Variants in RBFOX3 observed in about 807,000 individuals in gnomAD.
The protein encoded by RBFOX3 is RNA binding fox-1 homolog 3, also known as RNA binding protein fox-1 homolog 3.
Under a neutral mutation model 48.7 loss-of-function variants are expected in RBFOX3, and 17 were observed. The ratio of observed to expected loss-of-function variants is 0.35; its 90% CI spans 0.24 to 0.52. RBFOX3 has a LOEUF of 0.52. Among genes scored for constraint, RBFOX3 ranks in the 20% least tolerant of loss-of-function variants. The pLI is 0.94. For missense variants in RBFOX3, 382 were observed against 497.5 expected, an observed-to-expected ratio of 0.77 and a Z score of 2.21; for synonymous variants, 212 against 209.5, an observed-to-expected ratio of 1.01 and a Z score of -0.10.
intron 2 of RBFOX3, among the ~76,000 whole-genome samples, chr17:79,410,951 C>G (rs902217333): frequency 6.6e-6 from 1 of 152,200 alleles, no homozygotes; most frequent in African/African-American, 2.4e-5. Flanking sequence ...CCCTCCCACT[C>G]TCTGCACCAC....
At chr17:79,337,256 A>C (rs1598308040) in intron 2 of RBFOX3, among the ~76,000 whole-genome samples, 1 of 137,982 alleles carries the variant, frequency 7.2e-6, no homozygotes, top group East Asian at 2.0e-4. Flanking sequence ...CTTACCTGAC[A>C]AAAAAAAAAT....
At chr17:79,148,160 G>A (rs1164923230) in intron 4 of RBFOX3, among the ~76,000 whole-genome samples, 1 of 152,200 alleles carries the variant, frequency 6.6e-6, no homozygotes, top group East Asian at 1.9e-4. Context: ...TAGGTTTTGG[G>A]AGCGGTCATG....
At chr17:79,261,466 G>C (rs919944542) in intron 3 of RBFOX3, among the ~76,000 whole-genome samples, 1 of 152,236 alleles carries the variant, frequency 6.6e-6, no homozygotes, top group South Asian at 2.1e-4. Context: ...AGGAGCCGGA[G>C]GCAGAGGATG....
At chr17:79,339,550 C>G (rs989180577) in intron 2 of RBFOX3, among the ~76,000 whole-genome samples, 2 of 152,204 alleles carry the variant, frequency 1.3e-5, no homozygotes, top group Admixed American at 1.3e-4. Context: ...TTCCTTAAAA[C>G]ACAGACTGCT....
At chr17:79,385,292 T>A (rs1442334939) in intron 2 of RBFOX3, among the ~76,000 whole-genome samples, 2 of 152,090 alleles carry the variant, frequency 1.3e-5, no homozygotes, top group Non-Finnish European at 2.9e-5. Context: ...GCGGGGAGGC[T>A]GCAAGGGAAA....
At chr17:79,143,874 G>A (rs1467793119) in intron 4 of RBFOX3, among the ~76,000 whole-genome samples, 1 of 152,250 alleles carries the variant, frequency 6.6e-6, no homozygotes, top group African/African-American at 2.4e-5. Flanking sequence ...CTCAAGCCAG[G>A]ACACCCCAGT....
rs112425237 is a variant in RBFOX3, at chr17:79,442,411, C to CAG, written c.-175+40041_-175+40042dup. On this transcript the variant is annotated intron_variant, in intron 2 of 14. Coordinates refer to ENST00000693108, the MANE Select transcript of RBFOX3 (RefSeq NM_001350451.2). ...AGAGAGAGAGAGAGAGAAAGAGAGA[C>CAG]AGAGAGAGAGAGAGAGACACCAAGC... Among the ~76,000 whole-genome samples, 69 of 78,912 alleles carry CAG rather than the reference C, an allele frequency of 8.7e-4. 1 individual carries two copies. Among genetic ancestry groups the CAG allele is most frequent in the African/African-American group, 3.2e-3 (60 of 18,876 alleles). 51.8% of individuals were successfully genotyped at this position (78,912 alleles called of 152,430 possible).
chr17:79,450,948 A>AT (rs2073371141), intron 2 of RBFOX3, among the ~76,000 whole-genome samples: 1 of 152,150 alleles, frequency 6.6e-6, no homozygotes, highest in Non-Finnish European at 1.5e-5. Context: ...ACAAAATGAG[A>AT]TTTTCTAAAT....
At chr17:79,657,544 T>A in the RBFOX3 span, among the ~76,000 whole-genome samples, 1 of 152,152 alleles carries the variant, frequency 6.6e-6, no homozygotes, top group African/African-American at 2.4e-5. Context: ...CCAAGCATGG[T>A]GGCAGGCAAC....
chr17:79,138,639 C>T (rs1228836217), intron 4 of RBFOX3, among the ~76,000 whole-genome samples: 1 of 148,076 alleles, frequency 6.8e-6, no homozygotes, highest in Admixed American at 6.7e-5. Context: ...ACCTCCTCAC[C>T]CACACACGCA....
intron 2 of RBFOX3, among the ~76,000 whole-genome samples, chr17:79,330,530 G>T (rs1409492186): frequency 1.3e-5 from 2 of 151,722 alleles, no homozygotes; most frequent in African/African-American, 4.8e-5. Context: ...GGATATTCAG[G>T]TTCCACACGC....
intron 4 of RBFOX3, among the ~76,000 whole-genome samples, chr17:79,174,106 G>A (rs972617110): frequency 5.9e-5 from 9 of 151,986 alleles, no homozygotes; most frequent in Admixed American, 2.0e-4. Context: ...GGGAGAACAG[G>A]GCCTCTCCCC....
intron 3 of RBFOX3, among the ~76,000 whole-genome samples, chr17:79,246,278 C>A (rs532867252): frequency 9.2e-5 from 14 of 152,354 alleles, no homozygotes; most frequent in African/African-American, 3.4e-4. Flanking sequence ...GCCACCTTCC[C>A]TCCCTGCCTT....
chr17:79,559,422 G>A (rs990078366), intron 1 of RBFOX3, among the ~76,000 whole-genome samples: 5,127 of 151,804 alleles, frequency 0.034, 157 homozygotes, highest in East Asian at 0.18. Flanking sequence ...TAAGTGGTGG[G>A]TGGTGGATGG....
At position 79,390,537 on chromosome 17, in the gene RBFOX3, G is replaced by A. The variant is rs1393362096; in HGVS notation, c.-174-82713C>T. Among the ~76,000 whole-genome samples, 1 of 151,406 alleles carries A rather than the reference G, an allele frequency of 6.6e-6. No individual in the cohort carries two copies. Among genetic ancestry groups the A allele is most frequent in the Non-Finnish European group, 1.5e-5 (1 of 67,966 alleles). ...TTGTCGCCCAGGCTGGAGTGCAGTG[G>A]CACAATCTCGGCTCACTACAACGTC... On this transcript the variant is annotated intron_variant, in intron 2 of 14. Transcript: ENST00000693108. The surrounding 1 kb of genome is among the most constrained non-coding windows in gnomAD (Gnocchi z 4.2).
chr17:79,202,632 G>A (rs1185132643), intron 4 of RBFOX3, among the ~76,000 whole-genome samples: 2 of 152,248 alleles, frequency 1.3e-5, no homozygotes, highest in African/African-American at 2.4e-5. Flanking sequence ...AGCCCACACA[G>A]CAGACACCAC....
At chr17:79,399,797 G>A (rs2062551071) in intron 2 of RBFOX3, among the ~76,000 whole-genome samples, 2 of 152,192 alleles carry the variant, frequency 1.3e-5, no homozygotes, top group South Asian at 4.1e-4. Flanking sequence ...CAGACCCTCG[G>A]GCGCTCCCGT....
At chr17:79,487,951 C>G (rs1403285149) in intron 1 of RBFOX3, among the ~76,000 whole-genome samples, 2 of 143,622 alleles carry the variant, frequency 1.4e-5, no homozygotes, top group Admixed American at 7.1e-5. Flanking sequence ...ACCTGAACAC[C>G]AACAAATGGG....
chr17:79,558,166 T>TG (rs2091918475), intron 1 of RBFOX3, among the ~76,000 whole-genome samples: 2 of 151,984 alleles, frequency 1.3e-5, no homozygotes, highest in African/African-American at 4.8e-5. Context: ...GTTCACTGTT[T>TG]GGGGGCAGGA....
Sources: gnomAD v4.1 joint callset for allele counts (sites outside exome capture counted in the v4.1 genomes callset) on GRCh38, gnomAD v4.1.1 for gene constraint, Gnocchi (gnomAD v3.1) non-coding constraint, MANE v1.5 for transcripts, NCBI Gene and HGNC (gene_info 2026-07-23, HGNC 2026-07-21) for gene names.